Variants in SGPP2 observed in about 807,000 individuals in gnomAD.
SGPP2 encodes sphingosine 1-phosphate phosphohydrolase 2.
Under a neutral mutation model 33.9 loss-of-function variants are expected in SGPP2, and 30 were observed. The observed-to-expected ratio is 0.89, with a 90% CI of 0.66 to 1.20. The LOEUF is 1.20. SGPP2 is among the 50% of genes most tolerant of loss of function. SGPP2 has a pLI of 0.00. For synonymous variants in SGPP2, 233 were observed against 225.0 expected (o/e 1.04, Z -0.32); for missense variants, 458 against 532.1 (o/e 0.86, Z 1.37).
At chr2:222,447,536 A>G (rs1032324447) in intron 1 of SGPP2, among the ~76,000 whole-genome samples, 3 of 152,214 alleles carry the variant, frequency 2.0e-5, no homozygotes, top group Non-Finnish European at 2.9e-5. Flanking sequence ...CCGAGGATCC[A>G]TAATAAAAGA....
chr2:222,481,038 T>C (rs141192420), intron 2 of SGPP2, among the ~76,000 whole-genome samples: 232 of 152,200 alleles, frequency 1.5e-3, no homozygotes, highest in African/African-American at 5.4e-3. Context: ...TGGGAACTGA[T>C]TGATGAGAAC....
intron 1 of SGPP2, among the ~76,000 whole-genome samples, chr2:222,454,587 A>G (rs1414237397): frequency 6.6e-6 from 1 of 152,248 alleles, no homozygotes; most frequent in Non-Finnish European, 1.5e-5. Flanking sequence ...ATGGAGGACC[A>G]GAAACACACA....
At chr2:222,525,478 A>G (rs531483665) in intron 4 of SGPP2, among the ~76,000 whole-genome samples, 34 of 152,330 alleles carry the variant, frequency 2.2e-4, no homozygotes, top group African/African-American at 7.9e-4. Context: ...GGAGCCCGGT[A>G]TCACGGCTTT....
chr2:222,508,982 T>C (rs376788550), intron 2 of SGPP2, among the ~76,000 whole-genome samples: 4 of 152,112 alleles, frequency 2.6e-5, no homozygotes, highest in African/African-American at 9.7e-5. Flanking sequence ...GAAGTATGAG[T>C]GGCTATTCAC....
intron 1 of SGPP2, among the ~76,000 whole-genome samples, chr2:222,434,644 C>T (rs1013075476): frequency 1.3e-5 from 2 of 152,022 alleles, no homozygotes; most frequent in African/African-American, 4.8e-5. Context: ...TAAGAAATGC[C>T]CTTTCTGTCA....
At chr2:222,482,296 C>T (rs1478737771) in intron 2 of SGPP2, among the ~76,000 whole-genome samples, 1 of 152,180 alleles carries the variant, frequency 6.6e-6, no homozygotes, top group Non-Finnish European at 1.5e-5. Context: ...TGCTAGTGAA[C>T]AGTTTGGCTG....
intron 2 of SGPP2, among the ~76,000 whole-genome samples, chr2:222,518,147 A>G (rs913682032): frequency 7.9e-5 from 12 of 152,134 alleles, no homozygotes; most frequent in Non-Finnish European, 2.9e-5. Flanking sequence ...ATGTAGCTCT[A>G]TTTTCTCCTG....
intron 1 of SGPP2, among the ~76,000 whole-genome samples, chr2:222,458,214 A>ATT (rs34748357): frequency 3.2e-4 from 47 of 145,968 alleles, no homozygotes; most frequent in South Asian, 1.1e-3. Flanking sequence ...ATGCCTAGCT[A>ATT]TTTTTTTTTT....
intron 4 of SGPP2, among the ~76,000 whole-genome samples, chr2:222,532,560 C>A (rs60952940): frequency 0.013 from 1,949 of 152,232 alleles, 49 homozygotes; most frequent in African/African-American, 0.044. Context: ...GGGAAGGCGT[C>A]CCTGCCTACC....
At chr2:222,425,095 A>T (rs902937205) in intron 1 of SGPP2, among the ~76,000 whole-genome samples, 1 of 152,250 alleles carries the variant, frequency 6.6e-6, no homozygotes, top group Non-Finnish European at 1.5e-5. Flanking sequence ...AAAAGTAGTT[A>T]AATTCACGTA....
Position 222,424,566 on chromosome 2 carries a change from CG to C in SGPP2, c.-36del, listed in dbSNP as rs1429059556. The stretch of plus-strand genomic sequence containing the variant: ...GTGCCAGCGGAGGGCACCGGCCCGG[CG>C]TGGCAGCGGCGGCGGAGCGCGGCCC... On this transcript the variant is annotated 5_prime_UTR_variant, in exon 1 of 5. Coordinates refer to ENST00000321276, the MANE Select transcript of SGPP2 (RefSeq NM_152386.4). The C allele has an allele frequency of 8.4e-7, 1 of 1,188,624 alleles. No homozygotes were observed. The highest frequency in any genetic ancestry group is 1.6e-5 in the African/African-American group (1 of 62,934). The allele number at this position is 1,188,624 out of a possible 1,614,324, so 73.6% of individuals were successfully genotyped here.
At position 222,465,678 on chromosome 2, in the gene SGPP2, G is replaced by A. The variant is rs1697734393; in HGVS notation, c.220-8890G>A. Among the ~76,000 whole-genome samples, 1 of 152,190 alleles carries A rather than the reference G, an allele frequency of 6.6e-6. No individual in the cohort carries two copies. Among genetic ancestry groups the A allele is most frequent in the Non-Finnish European group, 1.5e-5 (1 of 68,024 alleles). ...TAGTCTCACCAGAGTAAATCCAGTT[G>A]TGCTCCCATTTAAAACCCTCCCATG... On this transcript the variant is annotated intron_variant, in intron 1 of 4. Coordinates refer to ENST00000321276, the MANE Select transcript of SGPP2 (RefSeq NM_152386.4). This position sits in a 1 kb window ranked among gnomAD's most constrained non-coding sequence, Gnocchi z 4.1.
chr2:222,544,773 C>T (rs912287379), intron 4 of SGPP2, among the ~76,000 whole-genome samples: 1 of 151,906 alleles, frequency 6.6e-6, no homozygotes, highest in African/African-American at 2.4e-5. Context: ...TGGAAAGGTG[C>T]CTGTGACATA....
At chr2:222,442,823 C>G (rs1697346547) in intron 1 of SGPP2, among the ~76,000 whole-genome samples, 2 of 152,172 alleles carry the variant, frequency 1.3e-5, no homozygotes, top group Admixed American at 1.3e-4. Context: ...CTCAGGGGAC[C>G]CTTAAATTTA....
At chr2:222,468,383 G>GT (rs947315701) in intron 1 of SGPP2, among the ~76,000 whole-genome samples, 15 of 138,286 alleles carry the variant, frequency 1.1e-4, no homozygotes, top group African/African-American at 4.5e-4. Flanking sequence ...TTCCTTCCTT[G>GT]TAAAAAAAAA....
At chr2:222,446,787 T>C (rs144988422) in intron 1 of SGPP2, among the ~76,000 whole-genome samples, 2 of 152,344 alleles carry the variant, frequency 1.3e-5, no homozygotes, top group Admixed American at 6.5e-5. Context: ...GGATGCCTTC[T>C]TTGTCCGTCG....
At chr2:222,467,220 A>G (rs1034472614) in intron 1 of SGPP2, among the ~76,000 whole-genome samples, 10 of 152,152 alleles carry the variant, frequency 6.6e-5, no homozygotes, top group Admixed American at 2.0e-4. Context: ...CAGGTCAACT[A>G]CATCAAAATC....
At position 222,551,056 on chromosome 2, in the gene SGPP2, TTA is replaced by T. The variant is rs149354481; in HGVS notation, c.649-7289_649-7288del. On this transcript the variant is annotated intron_variant, in intron 4 of 4. Coordinates refer to ENST00000321276, the MANE Select transcript of SGPP2 (RefSeq NM_152386.4). ...TTGTTCTTTGCAAAGTAAAGAATAC[TTA>T]TTCTCACCATTTTTGCTCTCATGTC... 1.2e-3 allele frequency among the ~76,000 whole-genome samples: 189 copies of T among 152,038 alleles called. 4 individuals are homozygous for T. The East Asian group carries it at 0.031, about 25-fold the overall frequency.
In SGPP2 at chr2:222,559,433, G is replaced by A. The variant is rs1339350233; in HGVS notation, c.*535G>A. ...TATGAAACGGCATTCCTTGGACAGG[G>A]TGACTTCCTTATCGTTTATTTGGTG... On this transcript the variant is annotated 3_prime_UTR_variant, in exon 5 of 5. Coordinates refer to ENST00000321276, the MANE Select transcript of SGPP2 (RefSeq NM_152386.4). 1 of 155,940 alleles carries A rather than the reference G, an allele frequency of 6.4e-6. No homozygotes were observed. The highest frequency in any genetic ancestry group is 2.4e-5 in the African/African-American group (1 of 41,428). 9.7% of individuals were successfully genotyped at this position (155,940 alleles called of 1,614,324 possible). A position where few individuals can be genotyped will look rare whatever the true frequency, so the allele number is the denominator to read the frequency against.
Sources: gnomAD v4.1 joint callset for allele counts (sites outside exome capture counted in the v4.1 genomes callset) on GRCh38, gnomAD v4.1.1 for gene constraint, Gnocchi (gnomAD v3.1) non-coding constraint, MANE v1.5 for transcripts, NCBI Gene and HGNC (gene_info 2026-07-23, HGNC 2026-07-21) for gene names.